UBE2K: variants seen among roughly 807,000 people sequenced by gnomAD.
UBE2K encodes ubiquitin-conjugating enzyme E2 K.
In UBE2K, 6 loss-of-function variants were observed where a neutral mutation model predicts 30.0. That is an observed-to-expected ratio of 0.20 (90% CI 0.11 to 0.39). The LOEUF (loss-of-function observed/expected upper bound fraction) is 0.39, where lower values mean the gene tolerates loss of function less well. Ranked by LOEUF, UBE2K falls within the 10% of genes least tolerant of loss-of-function variation. UBE2K has a pLI of 1.00. For missense variants in UBE2K, 61 were observed against 241.6 expected (o/e 0.25, Z 4.96); for synonymous variants, 86 against 83.7 (o/e 1.03, Z -0.15).
At chr4:39,757,766 A>G (rs1044503744) in intron 4 of UBE2K, among the ~76,000 whole-genome samples, 2 of 152,220 alleles carry the variant, frequency 1.3e-5, no homozygotes, top group Non-Finnish European at 2.9e-5. Context: ...TATTTGCAGT[A>G]TTAGAGACAT....
intron 1 of UBE2K, among the ~76,000 whole-genome samples, chr4:39,711,902 A>G (rs1173933411): frequency 2.6e-5 from 4 of 151,598 alleles, no homozygotes; most frequent in Admixed American, 1.3e-4. Flanking sequence ...TTAGCCAGGC[A>G]TGGTGGTGCA....
Position 39,700,556 on chromosome 4 carries a change from C to G in UBE2K, c.63+2166C>G, listed in dbSNP as rs577541888. ...AGTATTTTTTGATATTTTAGTAGCC[C>G]CAGTTCTATAAGTGTATTGTTATTT... On this transcript the variant is annotated intron_variant, in intron 1 of 6. Coordinates refer to ENST00000261427, the MANE Select transcript of UBE2K (RefSeq NM_005339.5). Among the ~76,000 whole-genome samples, 57 of 152,062 alleles carry G rather than the reference C, an allele frequency of 3.7e-4. 1 individual carries two copies. Among genetic ancestry groups the G allele is most frequent in the Middle Eastern group, 3.4e-3 (1 of 294 alleles).
intron 1 of UBE2K, among the ~76,000 whole-genome samples, 194 bp downstream of exon 1, chr4:39,698,584 T>A (rs1293609972): frequency 1.3e-5 from 2 of 151,920 alleles, no homozygotes; most frequent in Non-Finnish European, 2.9e-5. Flanking sequence ...GGATGGACGG[T>A]CTCGCGGGCG....
chr4:39,770,913 G>T lies in UBE2K; in HGVS notation c.300-3921G>T. The T allele has an allele frequency of 1.9e-6, 3 of 1,556,148 alleles. No individual in the cohort carries two copies. The South Asian group carries it at 3.7e-5, about 19-fold the overall frequency. ...CTCCAGCTTCACTGGCCGCAGGAGTGGAGGGGATAGAGGAGGTGGGGGGTG... is the reference window on the plus strand; with the variant it reads ...CTCCAGCTTCACTGGCCGCAGGAGTTGAGGGGATAGAGGAGGTGGGGGGTG... On this transcript the variant is annotated intron_variant, in intron 4 of 6. Coordinates refer to ENST00000261427, the MANE Select transcript of UBE2K (RefSeq NM_005339.5).
intron 3 of UBE2K, among the ~76,000 whole-genome samples, chr4:39,748,346 G>A (rs1299455884): frequency 1.3e-5 from 2 of 151,962 alleles, no homozygotes; most frequent in Non-Finnish European, 2.9e-5. Context: ...CCTCCACCTT[G>A]GCCTCCCAAA....
intron 1 of UBE2K, among the ~76,000 whole-genome samples, chr4:39,716,030 C>T (rs1236612711): frequency 6.6e-6 from 1 of 152,098 alleles, no homozygotes; most frequent in Non-Finnish European, 1.5e-5. Flanking sequence ...GTACATGTTC[C>T]TTCAGCATTT....
At chr4:39,749,225 T>A (rs1361005407) in intron 3 of UBE2K, among the ~76,000 whole-genome samples, 4 of 152,214 alleles carry the variant, frequency 2.6e-5, no homozygotes, top group African/African-American at 9.6e-5. Context: ...AGAGAAAATA[T>A]ATCTTTGAAT....
chr4:39,765,873 C>T (rs1468134812), intron 4 of UBE2K, among the ~76,000 whole-genome samples: 2 of 151,708 alleles, frequency 1.3e-5, no homozygotes, highest in South Asian at 2.1e-4. Context: ...TTTGGGAGGC[C>T]GAGGCGGATG....
chr4:39,770,702 G>A, intron 4 of UBE2K: 1 of 1,573,134 alleles, frequency 6.4e-7, no homozygotes, highest in Non-Finnish European at 8.6e-7. Flanking sequence ...CGCTGCTCTG[G>A]GCCAGCTCCC....
chr4:39,714,880 C>T (rs2109318103), intron 1 of UBE2K, among the ~76,000 whole-genome samples: 1 of 151,282 alleles, frequency 6.6e-6, no homozygotes, highest in Admixed American at 6.6e-5. Context: ...ACAGGTCTCA[C>T]TCACACGCTT....
At chr4:39,770,487 G>A in intron 4 of UBE2K, 1 of 1,610,530 alleles carries the variant, frequency 6.2e-7, no homozygotes, top group Non-Finnish European at 8.5e-7. Context: ...GTTTCCACCT[G>A]AGAAGCTCCC....
intron 1 of UBE2K, among the ~76,000 whole-genome samples, chr4:39,707,500 T>C (rs1303062921): frequency 6.6e-6 from 1 of 151,334 alleles, no homozygotes; most frequent in Non-Finnish European, 1.5e-5. Context: ...GTGCCTGGCC[T>C]GTATGACTGT....
At chr4:39,732,939 G>A (rs1048727824) in intron 1 of UBE2K, among the ~76,000 whole-genome samples, 2 of 151,142 alleles carry the variant, frequency 1.3e-5, no homozygotes, top group African/African-American at 2.4e-5. Flanking sequence ...GCCTCCTAGA[G>A]TACTGGAATT....
chr4:39,717,554 A>G (rs1248230040), intron 1 of UBE2K, among the ~76,000 whole-genome samples: 1 of 152,148 alleles, frequency 6.6e-6, no homozygotes, highest in Non-Finnish European at 1.5e-5. Context: ...AGTCAACCCT[A>G]ATGGTGCCAT....
chr4:39,705,194 G>GTTT (rs57314034), intron 1 of UBE2K, among the ~76,000 whole-genome samples: 7 of 107,458 alleles, frequency 6.5e-5, no homozygotes, highest in East Asian at 2.9e-4. Context: ...CTGCACCTGG[G>GTTT]TTTTTTTTTT....
chr4:39,763,997 G>T (rs1230455916), intron 4 of UBE2K, among the ~76,000 whole-genome samples: 1 of 152,200 alleles, frequency 6.6e-6, no homozygotes, highest in Non-Finnish European at 1.5e-5. Context: ...CTCCCAAAGT[G>T]CTGAGACTGC....
intron 1 of UBE2K, among the ~76,000 whole-genome samples, chr4:39,730,775 A>G (rs1720027634): frequency 6.6e-6 from 1 of 150,688 alleles, no homozygotes; most frequent in African/African-American, 2.4e-5. Flanking sequence ...GTCTCAAAAA[A>G]TAATAATAAT....
At position 39,725,394 on chromosome 4, in the gene UBE2K, A is replaced by C. The variant is rs79592858; in HGVS notation, c.64-12026A>C. Among the ~76,000 whole-genome samples, 483 of 137,550 alleles carry C rather than the reference A, an allele frequency of 3.5e-3. 3 individuals are homozygous for C. The highest frequency in any genetic ancestry group is 4.4e-3 in the Non-Finnish European group (268 of 61,570). The allele number at this position is 137,550 out of a possible 152,430, so 90.2% of individuals were successfully genotyped here. On this transcript the variant is annotated intron_variant, in intron 1 of 6. Coordinates refer to ENST00000261427, the MANE Select transcript of UBE2K (RefSeq NM_005339.5). Reference sequence around the variant, plus strand: ...CCCTGTCTCAAAAAAAAAAAAAAAAAAAAAAAAAAAAACACCTCTTGATAG... The same window carrying C: ...CCCTGTCTCAAAAAAAAAAAAAAAACAAAAAAAAAAAACACCTCTTGATAG...
chr4:39,721,831 G>A (rs1719438253), intron 1 of UBE2K, among the ~76,000 whole-genome samples: 1 of 152,164 alleles, frequency 6.6e-6, no homozygotes. Context: ...GCTCACTCTG[G>A]TAATCCTTGC....
Sources: allele counts gnomAD v4.1 joint callset (sites outside exome capture counted in the v4.1 genomes callset), GRCh38; gene constraint gnomAD v4.1.1; transcripts MANE v1.5; gene names NCBI Gene and HGNC (gene_info 2026-07-23, HGNC 2026-07-21).